The following LPP variants were observed in gnomAD, a reference collection of about 807,000 sequenced individuals.
LPP encodes lipoma-preferred partner.
Under a neutral mutation model 60.4 loss-of-function variants are expected in LPP, and 38 were observed. The ratio of observed to expected loss-of-function variants is 0.63; its 90% CI spans 0.49 to 0.83. LPP has a LOEUF of 0.83. Among genes scored for constraint, LPP ranks in the 40% least tolerant of loss-of-function variants. LPP has a pLI of 0.00. For missense variants in LPP, 902 were observed against 783.6 expected, an observed-to-expected ratio of 1.15 and a Z score of -1.80; for synonymous variants, 328 against 290.8, an observed-to-expected ratio of 1.13 and a Z score of -1.30.
At chr3:188,614,481 G>A (rs547843399) in intron 7 of LPP, among the ~76,000 whole-genome samples, 1 of 152,256 alleles carries the variant, frequency 6.6e-6, no homozygotes, top group African/African-American at 2.4e-5. Context: ...GCCAGTGACT[G>A]TAATATTAGT....
rs185311871 is a variant in LPP, at chr3:188,608,626, G to T, written c.430-535G>T. On this transcript the variant is annotated intron_variant, in intron 6 of 11. Coordinates refer to ENST00000617246, the MANE Select transcript of LPP (RefSeq NM_001375462.1). ...TGTAATGCCTCCGGCTTTGTTCTTG[G>T]CTTCAAGATTGATAAGGCTTTTTGT... is the stretch of plus-strand genomic sequence containing the variant. Among the ~76,000 whole-genome samples, 707 of 152,240 alleles carry T rather than the reference G, an allele frequency of 4.6e-3. 8 individuals carry two copies. The highest frequency in any genetic ancestry group is 0.015 in the African/African-American group (643 of 41,542).
Position 188,843,651 on chromosome 3 carries a change from G to A in LPP, c.1411-22549G>A, listed in dbSNP as rs182681651. ...AAATACAAAAAATTAGCCGGGCGCA[G>A]TGGGGGGCGCCTGTAGTCCCAGCTA... On this transcript the variant is annotated intron_variant, in intron 9 of 11. Transcript: ENST00000617246. Among the ~76,000 whole-genome samples, 552 of 150,620 alleles carry A rather than the reference G, an allele frequency of 3.7e-3. 2 individuals are homozygous for A. The highest frequency in any genetic ancestry group is 0.013 in the African/African-American group (527 of 40,244).
intron 2 of LPP, among the ~76,000 whole-genome samples, chr3:188,261,237 C>A (rs1375119820): frequency 1.3e-5 from 2 of 152,144 alleles, no homozygotes; most frequent in Non-Finnish European, 2.9e-5. Context: ...TAGCTGCGAA[C>A]TTCTGGGCTC....
Position 188,638,091 on chromosome 3 carries a change from T to C in LPP, c.1113+28247T>C, listed in dbSNP as rs1351925951. Among the ~76,000 whole-genome samples, 4 of 147,068 alleles carry C rather than the reference T, an allele frequency of 2.7e-5. No homozygotes were observed. In the East Asian group the frequency reaches 5.8e-4, roughly 21 times the overall value. Reference sequence around the variant, plus strand: ...GAGAATTTTAGACCAATATCCTTGATGAACATTGATGCAAAAATCCTCAAT... The same window carrying C: ...GAGAATTTTAGACCAATATCCTTGACGAACATTGATGCAAAAATCCTCAAT... On this transcript the variant is annotated intron_variant, in intron 7 of 11. Transcript: ENST00000617246.
intron 9 of LPP, among the ~76,000 whole-genome samples, chr3:188,791,561 T>C (rs974526876): frequency 1.3e-4 from 19 of 151,924 alleles, no homozygotes; most frequent in Non-Finnish European, 2.8e-4. Context: ...CTCATTTCTT[T>C]TTTTTTTTTA....
intron 3 of LPP, among the ~76,000 whole-genome samples, chr3:188,366,569 G>A (rs530680849): frequency 2.6e-5 from 4 of 152,258 alleles, no homozygotes; most frequent in African/African-American, 9.6e-5. Flanking sequence ...ATTCCTTAAC[G>A]TGTGTGAGGT....
At chr3:188,507,813 G>A (rs1007904900) in intron 5 of LPP, among the ~76,000 whole-genome samples, 4 of 152,192 alleles carry the variant, frequency 2.6e-5, no homozygotes, top group Non-Finnish European at 1.5e-5. Flanking sequence ...TAGCTTTGCA[G>A]CTTTTTGCTT....
chr3:188,646,851 A>C (rs554172278), intron 7 of LPP, among the ~76,000 whole-genome samples: 9 of 152,230 alleles, frequency 5.9e-5, no homozygotes, highest in Non-Finnish European at 1.0e-4. Context: ...AAGCTATAAA[A>C]GGAACAAACA....
chr3:188,304,003 A>G (rs1031724155), intron 2 of LPP, among the ~76,000 whole-genome samples: 1 of 152,174 alleles, frequency 6.6e-6, no homozygotes, highest in Non-Finnish European at 1.5e-5. Flanking sequence ...GCCCTGGCGG[A>G]AATCTACCCT....
intron 6 of LPP, among the ~76,000 whole-genome samples, chr3:188,579,108 C>T (rs1835442415): frequency 6.6e-6 from 1 of 151,992 alleles, no homozygotes; most frequent in Non-Finnish European, 1.5e-5. Flanking sequence ...TGACTAATAC[C>T]AAAAAGGGAA....
intron 2 of LPP, among the ~76,000 whole-genome samples, chr3:188,309,268 G>A (rs1360015953): frequency 2.6e-5 from 4 of 152,056 alleles, no homozygotes; most frequent in Non-Finnish European, 5.9e-5. Context: ...TGATCCACCT[G>A]CCTTGCCCTC....
chr3:188,692,144 T>C (rs974755871), intron 7 of LPP, among the ~76,000 whole-genome samples: 1 of 152,154 alleles, frequency 6.6e-6, no homozygotes, highest in Non-Finnish European at 1.5e-5. Flanking sequence ...CATCAAAAAA[T>C]CACCACAGCC....
intron 9 of LPP, among the ~76,000 whole-genome samples, chr3:188,790,760 G>A (rs1040361599): frequency 7.3e-5 from 11 of 151,476 alleles, no homozygotes; most frequent in African/African-American, 2.7e-4. Flanking sequence ...GGTGGAGGTT[G>A]CAGTGAGCCA....
intron 9 of LPP, among the ~76,000 whole-genome samples, chr3:188,860,263 T>C (rs113815478): frequency 0.012 from 1,881 of 152,238 alleles, 18 homozygotes; most frequent in Middle Eastern, 0.041. Flanking sequence ...TATTCCATAA[T>C]TAAGTTAGGC....
chr3:188,535,313 G>A (rs3796285), intron 6 of LPP, among the ~76,000 whole-genome samples: 61,254 of 152,044 alleles, frequency 0.4, 14,220 homozygotes, highest in East Asian at 0.92. Context: ...TACAGGAACA[G>A]TAGATAGGTA....
intron 2 of LPP, among the ~76,000 whole-genome samples, chr3:188,310,760 C>T (rs996930532): frequency 6.6e-6 from 1 of 152,096 alleles, no homozygotes; most frequent in Non-Finnish European, 1.5e-5. Context: ...GGAAGGGTAG[C>T]TGAGGCCAGA....
intron 4 of LPP, among the ~76,000 whole-genome samples, chr3:188,481,149 A>G (rs937220639): frequency 2.0e-5 from 3 of 152,146 alleles, no homozygotes; most frequent in Admixed American, 6.5e-5. Flanking sequence ...GATTTAGGAT[A>G]GTTATTAGCA....
chr3:188,678,296 G>C (rs1247000426), intron 7 of LPP, among the ~76,000 whole-genome samples: 2 of 152,154 alleles, frequency 1.3e-5, no homozygotes, highest in African/African-American at 4.8e-5. Context: ...CTTCTGTTGC[G>C]GGACATTACA....
At chr3:188,429,476 C>T (rs1436615880) in intron 4 of LPP, among the ~76,000 whole-genome samples, 2 of 152,172 alleles carry the variant, frequency 1.3e-5, no homozygotes, top group Non-Finnish European at 2.9e-5. Flanking sequence ...CTTAGGTTTG[C>T]ATTGGCCTTA....
Sources: gnomAD v4.1 joint callset for allele counts (sites outside exome capture counted in the v4.1 genomes callset) on GRCh38, gnomAD v4.1.1 for gene constraint, MANE v1.5 for transcripts, NCBI Gene and HGNC (gene_info 2026-07-23, HGNC 2026-07-21) for gene names.